The following NFAM1 variants were observed in gnomAD, a reference collection of about 807,000 sequenced individuals.
NFAM1 encodes NFAT activating protein with ITAM motif 1, also known as NFAT activation molecule 1.
In NFAM1, 17 loss-of-function variants were observed where a neutral mutation model predicts 29.0. The observed-to-expected ratio is 0.59, with a 90% CI of 0.40 to 0.88. The LOEUF (loss-of-function observed/expected upper bound fraction) is 0.88, where lower values mean the gene tolerates loss of function less well. Among genes scored for constraint, NFAM1 ranks in the 40% least tolerant of loss-of-function variants. The pLI is 0.00. For synonymous variants in NFAM1, 175 were observed against 147.2 expected, an observed-to-expected ratio of 1.19 and a Z score of -1.36; for missense variants, 324 against 344.6, an observed-to-expected ratio of 0.94 and a Z score of 0.47.
chr22:42,387,031 C>T lies in NFAM1; in HGVS notation c.711G>A (p.Glu237=). The T allele has an allele frequency of 6.3e-7, 1 of 1,586,032 alleles. No homozygotes were observed. The highest frequency in any genetic ancestry group is 8.6e-7 in the Non-Finnish European group (1 of 1,167,010). ...ETEVYACIEN[E]DGSSPTAKQS... ...GCTTGGCGGTGGGTGAGCTGCCATC[C>T]TCATTCTCGATGCAGGCATAGACCT... Residue 237 remains glutamate, a synonymous_variant, in exon 5 of 6, where the codon GAG becomes GAA. Coordinates refer to ENST00000329021, the MANE Select transcript of NFAM1 (RefSeq NM_145912.8).
At chr22:42,424,509 C>G (rs560935617) in intron 1 of NFAM1, among the ~76,000 whole-genome samples, 69 of 152,310 alleles carry the variant, frequency 4.5e-4, no homozygotes, top group African/African-American at 1.6e-3. Context: ...GCAAGCCGAA[C>G]TTGTTCAGCT....
intron 3 of NFAM1, among the ~76,000 whole-genome samples, chr22:42,398,976 A>G (rs1489043314): frequency 6.6e-6 from 1 of 152,222 alleles, no homozygotes; most frequent in African/African-American, 2.4e-5. Context: ...GTTGATTGCC[A>G]GGCACAGAGC....
At chr22:42,435,918 C>A (rs1200526234), upstream of NFAM1, among the ~76,000 whole-genome samples, 1 of 148,538 alleles carries the variant, frequency 6.7e-6, no homozygotes, top group Non-Finnish European at 1.5e-5. Context: ...CTTGCGGGTT[C>A]AAGTGATTCT....
chr22:42,427,874 G>T (rs1460321853), intron 1 of NFAM1, among the ~76,000 whole-genome samples: 1 of 152,210 alleles, frequency 6.6e-6, no homozygotes, highest in Non-Finnish European at 1.5e-5. Context: ...CTGGGATGGG[G>T]GTACCTTTGG....
At chr22:42,413,593 T>C (rs1930164189) in intron 1 of NFAM1, among the ~76,000 whole-genome samples, 2 of 150,872 alleles carry the variant, frequency 1.3e-5, no homozygotes, top group African/African-American at 4.9e-5. Context: ...CTGGCTAACA[T>C]GGTGAAACCC....
chr22:42,394,071 T>C (rs1398380087), intron 4 of NFAM1, among the ~76,000 whole-genome samples: 2 of 152,188 alleles, frequency 1.3e-5, no homozygotes, highest in Non-Finnish European at 2.9e-5. Flanking sequence ...GTTTCGCTCT[T>C]GCTGCCCAGG....
chr22:42,394,902 G>A (rs1018178204), intron 4 of NFAM1, among the ~76,000 whole-genome samples: 1 of 152,108 alleles, frequency 6.6e-6, no homozygotes, highest in Admixed American at 6.6e-5. Context: ...AGGATCACTT[G>A]AGCCCAGGAA....
intron 1 of NFAM1, among the ~76,000 whole-genome samples, chr22:42,427,408 T>C (rs886708803): frequency 9.9e-5 from 15 of 152,198 alleles, no homozygotes; most frequent in Non-Finnish European, 2.9e-5. Context: ...GCGCCCCTCC[T>C]GTGGCATCGC....
chr22:42,387,676 C>A (rs1929198039), intron 4 of NFAM1, among the ~76,000 whole-genome samples: 1 of 152,050 alleles, frequency 6.6e-6, no homozygotes. Flanking sequence ...AGAGTCCAAT[C>A]CTGGTTCTCA....
Position 42,382,038 on chromosome 22 carries a change from T to C in NFAM1, c.*3123A>G, listed in dbSNP as rs1928971505. ...AGCCAGGGAGTCCCCTTCTGTCCTT[T>C]CTGAGACACTGAGTAGTGTTTGTTT... On this transcript the variant is annotated 3_prime_UTR_variant, in exon 6 of 6. Transcript: ENST00000329021. 6.6e-6 allele frequency: 1 copy of C among 152,396 alleles called. No homozygotes were observed. Among genetic ancestry groups the C allele is most frequent in the Non-Finnish European group, 1.5e-5 (1 of 68,200 alleles). 9.4% of individuals were successfully genotyped at this position (152,396 alleles called of 1,614,324 possible). A position where few individuals can be genotyped will look rare whatever the true frequency, so the allele number is the denominator to read the frequency against.
intron 1 of NFAM1, among the ~76,000 whole-genome samples, chr22:42,414,295 C>G (rs9611788): frequency 6.6e-6 from 1 of 151,842 alleles, no homozygotes; most frequent in Non-Finnish European, 1.5e-5. Flanking sequence ...TTTGTATCTC[C>G]GGACTCTACT....
Position 42,383,871 on chromosome 22 carries a change from G to C in NFAM1, c.*1290C>G, listed in dbSNP as rs936885295. On this transcript the variant is annotated 3_prime_UTR_variant, in exon 6 of 6. Coordinates refer to ENST00000329021, the MANE Select transcript of NFAM1 (RefSeq NM_145912.8). Reference sequence around the variant, plus strand: ...TCAGGGAGACATGGGGGAGCAGAGGGAGGAAGCAGAGCCCAACAGCCCGGG... The same window carrying C: ...TCAGGGAGACATGGGGGAGCAGAGGCAGGAAGCAGAGCCCAACAGCCCGGG... 4 of 152,856 alleles carry C rather than the reference G, an allele frequency of 2.6e-5. No individual in the cohort carries two copies. Among genetic ancestry groups the C allele is most frequent in the African/African-American group, 9.7e-5 (4 of 41,450 alleles). The allele number at this position is 152,856 out of a possible 1,614,324, so 9.5% of individuals were successfully genotyped here.
intron 4 of NFAM1, among the ~76,000 whole-genome samples, chr22:42,391,298 C>T (rs974630686): frequency 2.1e-5 from 3 of 140,770 alleles, no homozygotes; most frequent in South Asian, 4.7e-4. Flanking sequence ...CATGATCTGT[C>T]GATGGCTTAC....
At position 42,397,995 on chromosome 22, in the gene NFAM1, T is replaced by C. The variant is rs17003026; in HGVS notation, c.565-39A>G. ...GGAGTCAGGGCCAGGGATGAGTGGCTCTCGTCTTCCTCCCCGCACAGACCC... is the reference window on the plus strand; with the variant it reads ...GGAGTCAGGGCCAGGGATGAGTGGCCCTCGTCTTCCTCCCCGCACAGACCC... On this transcript the variant is annotated intron_variant, in intron 3 of 5. Transcript: ENST00000329021. 8,950 of 1,161,846 alleles carry C rather than the reference T, an allele frequency of 7.7e-3. 54 individuals carry two copies. The highest frequency in any genetic ancestry group is 9.7e-3 in the Non-Finnish European group (7,689 of 793,496). The allele number at this position is 1,161,846 out of a possible 1,614,324, so 72.0% of individuals were successfully genotyped here.
chr22:42,401,224 A>C (rs935417818), intron 3 of NFAM1, among the ~76,000 whole-genome samples: 2 of 152,224 alleles, frequency 1.3e-5, no homozygotes, highest in African/African-American at 4.8e-5. Flanking sequence ...AAGCTCTCCC[A>C]GTCTAAGAAG....
intron 1 of NFAM1, among the ~76,000 whole-genome samples, chr22:42,430,586 G>A (rs887218876): frequency 5.3e-5 from 8 of 150,974 alleles, no homozygotes; most frequent in African/African-American, 2.0e-4. Context: ...AAAATCATGG[G>A]TGGGGGTTTG....
chr22:42,426,446 GC>G (rs1930625148), intron 1 of NFAM1, among the ~76,000 whole-genome samples: 1 of 152,178 alleles, frequency 6.6e-6, no homozygotes, highest in Non-Finnish European at 1.5e-5. Context: ...CTAGAATGAA[GC>G]CCCCAGGTGC....
At chr22:42,420,003 T>TG (rs1930388238) in intron 1 of NFAM1, among the ~76,000 whole-genome samples, 1 of 131,558 alleles carries the variant, frequency 7.6e-6, no homozygotes, top group Non-Finnish European at 1.6e-5. Flanking sequence ...TTTTTTTTTT[T>TG]TTTTTTTTTT....
rs948352000 is a variant in NFAM1 at position 42,399,030 on chromosome 22, C to T, written c.565-1074G>A. On this transcript the variant is annotated intron_variant, in intron 3 of 5. Coordinates refer to ENST00000329021, the MANE Select transcript of NFAM1 (RefSeq NM_145912.8). ...AAACCAATGCCCCACTGGGCAGAAG[C>T]GATATTGAAGGTGAAATCCTGAGGG... Among the ~76,000 whole-genome samples the T allele has an allele frequency of 3.9e-5, 6 of 152,084 alleles. No homozygotes were observed. In the East Asian group the frequency reaches 5.8e-4, roughly 15 times the overall value.
Sources: allele counts gnomAD v4.1 joint callset (sites outside exome capture counted in the v4.1 genomes callset), GRCh38; gene constraint gnomAD v4.1.1; transcripts MANE v1.5; gene names NCBI Gene and HGNC (gene_info 2026-07-23, HGNC 2026-07-21).